CTNNA2: variants seen among roughly 807,000 people sequenced by gnomAD.
CTNNA2 encodes catenin alpha-2.
A neutral mutation model predicts 101.0 loss-of-function variants in CTNNA2; 42 were observed. That is an observed-to-expected ratio of 0.42 (90% CI 0.32 to 0.54). The LOEUF (loss-of-function observed/expected upper bound fraction) is 0.54, where lower values mean the gene tolerates loss of function less well. Ranked by LOEUF, CTNNA2 falls within the 20% of genes least tolerant of loss-of-function variation. CTNNA2 has a pLI of 0.14. For missense variants in CTNNA2, 871 were observed against 1,223.1 expected, an observed-to-expected ratio of 0.71 and a Z score of 4.29; for synonymous variants, 450 against 456.4, an observed-to-expected ratio of 0.99 and a Z score of 0.18.
chr2:79,333,011 C>T (rs1188235251), intron 3 of CTNNA2, among the ~76,000 whole-genome samples: 1 of 152,098 alleles, frequency 6.6e-6, no homozygotes, highest in African/African-American at 2.4e-5. Context: ...GGAACAACAG[C>T]AGGCAGACTT....
chr2:80,150,664 TATGA>T (rs1703642699), intron 7 of CTNNA2, among the ~76,000 whole-genome samples: 2 of 152,174 alleles, frequency 1.3e-5, no homozygotes, highest in African/African-American at 4.8e-5. Context: ...AACCACACAG[TATGA>T]TTATTGTATT....
intron 2 of CTNNA2, among the ~76,000 whole-genome samples, chr2:79,200,772 T>C (rs1430405765): frequency 6.6e-6 from 1 of 152,030 alleles, no homozygotes; most frequent in Admixed American, 6.6e-5. Context: ...TACACACACA[T>C]CTTGGATGTT....
At chr2:79,687,241 G>T (rs116538283) in intron 2 of CTNNA2, among the ~76,000 whole-genome samples, 2,389 of 152,128 alleles carry the variant, frequency 0.016, 55 homozygotes, top group African/African-American at 0.047. Context: ...AGATTTTGGT[G>T]GCAGTTTTCT....
At chr2:80,277,207 G>A (rs2149151329) in intron 7 of CTNNA2, among the ~76,000 whole-genome samples, 1 of 152,260 alleles carries the variant, frequency 6.6e-6, no homozygotes, top group East Asian at 1.9e-4. Flanking sequence ...AAGCTTTTCT[G>A]TATTCTCACT....
intron 9 of CTNNA2, among the ~76,000 whole-genome samples, chr2:80,491,866 T>G (rs1177805042): frequency 6.6e-6 from 1 of 152,178 alleles, no homozygotes; most frequent in East Asian, 1.9e-4. Context: ...TTTTGTTGCC[T>G]GTGTTCAGAG....
At chr2:79,930,286 GAGAGAAAGAGAA>G (rs1156528043) in intron 7 of CTNNA2, among the ~76,000 whole-genome samples, 1 of 75,200 alleles carries the variant, frequency 1.3e-5, no homozygotes, top group Non-Finnish European at 3.1e-5. Flanking sequence ...AAGAGAGAGA[GAGAGAAAGAGAA>G]AGAAAGAAAG....
At chr2:79,871,051 C>T (rs1368978647) in intron 5 of CTNNA2, among the ~76,000 whole-genome samples, 3 of 152,134 alleles carry the variant, frequency 2.0e-5, no homozygotes, top group African/African-American at 7.2e-5. Flanking sequence ...ATTCTTTCGC[C>T]ATAGAAAAAA....
intron 7 of CTNNA2, among the ~76,000 whole-genome samples, chr2:80,362,959 T>G (rs1200374685): frequency 6.8e-6 from 1 of 148,078 alleles, no homozygotes; most frequent in East Asian, 2.0e-4. Flanking sequence ...GAATTACCAC[T>G]GCACCATGGC....
chr2:80,100,086 T>C (rs548309575), intron 7 of CTNNA2, among the ~76,000 whole-genome samples: 1 of 151,340 alleles, frequency 6.6e-6, no homozygotes, highest in African/African-American at 2.4e-5. Context: ...CCTGCCCCTA[T>C]GCCCAGCTAC....
intron 3 of CTNNA2, among the ~76,000 whole-genome samples, chr2:79,787,712 C>T (rs13402210): frequency 0.16 from 23,582 of 151,798 alleles, 3,071 homozygotes; most frequent in East Asian, 0.37. Context: ...TTCCTTGTTT[C>T]GTGGCCCCTT....
At chr2:80,251,814 G>C (rs1671789920) in intron 7 of CTNNA2, among the ~76,000 whole-genome samples, 1 of 152,164 alleles carries the variant, frequency 6.6e-6, no homozygotes, top group African/African-American at 2.4e-5. Context: ...AGTCATTGGA[G>C]CTAACGCCTT....
At chr2:79,455,588 C>T (rs542009630) in intron 4 of CTNNA2, among the ~76,000 whole-genome samples, 17 of 152,294 alleles carry the variant, frequency 1.1e-4, no homozygotes, top group South Asian at 4.1e-4. Context: ...ATTACCTACA[C>T]GTACCTTTGC....
chr2:80,071,435 G>A (rs190539422), intron 7 of CTNNA2, among the ~76,000 whole-genome samples: 72 of 152,288 alleles, frequency 4.7e-4, no homozygotes, highest in African/African-American at 1.6e-3. Flanking sequence ...TTCAGAAATT[G>A]CCATCTCACA....
At chr2:80,016,009 A>G (rs978858681) in intron 7 of CTNNA2, among the ~76,000 whole-genome samples, 3 of 152,166 alleles carry the variant, frequency 2.0e-5, no homozygotes, top group Non-Finnish European at 1.5e-5. Context: ...AGCAATTTAG[A>G]GTCATTTCAG....
At chr2:79,560,400 G>C (rs1242290218) in intron 1 of CTNNA2, among the ~76,000 whole-genome samples, 1 of 151,896 alleles carries the variant, frequency 6.6e-6, no homozygotes, top group Non-Finnish European at 1.5e-5. Context: ...TGAATGTTCA[G>C]GGTGAAAATG....
At chr2:79,861,220 T>C (rs1424324017) in intron 4 of CTNNA2, among the ~76,000 whole-genome samples, 2 of 152,230 alleles carry the variant, frequency 1.3e-5, no homozygotes, top group Admixed American at 6.5e-5. Flanking sequence ...AACTGCTACA[T>C]ATCTCTTTTA....
intron 1 of CTNNA2, among the ~76,000 whole-genome samples, chr2:79,590,269 G>C (rs1036623661): frequency 1.3e-5 from 2 of 152,180 alleles, no homozygotes; most frequent in African/African-American, 4.8e-5. Context: ...CATATATATG[G>C]AAAGACTTTT....
intron 2 of CTNNA2, among the ~76,000 whole-genome samples, chr2:79,706,229 G>A (rs987922171): frequency 3.9e-5 from 6 of 151,994 alleles, no homozygotes; most frequent in Admixed American, 1.3e-4. Flanking sequence ...CGGGCGTGGT[G>A]GCGGGCGCCT....
chr2:79,624,907 G>T (rs773746654), intron 1 of CTNNA2, among the ~76,000 whole-genome samples: 2 of 152,056 alleles, frequency 1.3e-5, no homozygotes, highest in Admixed American at 6.6e-5. Context: ...CCTTGTTCTT[G>T]TCTCCGGAGC....
Sources: gnomAD v4.1 joint callset for allele counts (sites outside exome capture counted in the v4.1 genomes callset) on GRCh38, gnomAD v4.1.1 for gene constraint, MANE v1.5 for transcripts, NCBI Gene and HGNC (gene_info 2026-07-23, HGNC 2026-07-21) for gene names.